Variants in NAA15 observed in about 807,000 individuals in gnomAD.
NAA15 encodes N-alpha-acetyltransferase 15, NatA auxiliary subunit, also known as N-terminal acetyltransferase.
In NAA15, 34 loss-of-function variants were observed where a neutral mutation model predicts 114.0. The observed-to-expected ratio is 0.30, with a 90% CI of 0.23 to 0.40. The LOEUF is 0.40. Among genes scored for constraint, NAA15 ranks in the 10% least tolerant of loss-of-function variants. NAA15 has a pLI of 1.00. For synonymous variants in NAA15, 340 were observed against 338.0 expected (o/e 1.01, Z -0.06); for missense variants, 658 against 1,004.5 (o/e 0.66, Z 4.66).
At chr4:139,307,029 T>C (rs1385701734) in intron 1 of NAA15, among the ~76,000 whole-genome samples, 1 of 152,194 alleles carries the variant, frequency 6.6e-6, no homozygotes, top group East Asian at 1.9e-4. Context: ...TTTAAATTGT[T>C]AGTTGTAAGT....
chr4:139,342,479 G>GTTTTTTTTTTTTTTTTTT (rs11402847), intron 4 of NAA15, among the ~76,000 whole-genome samples: 1 of 125,552 alleles, frequency 8.0e-6, no homozygotes, highest in African/African-American at 3.0e-5. Context: ...ATTAATGTGT[G>GTTTTTTTTTTTTTTTTTT]TTTTTTTTTT....
At chr4:139,306,425 G>A (rs1457812513) in intron 1 of NAA15, among the ~76,000 whole-genome samples, 1 of 151,854 alleles carries the variant, frequency 6.6e-6, no homozygotes, top group Admixed American at 6.6e-5. Context: ...AGTAGAGATG[G>A]TGTTTCACCA....
At chr4:139,381,589 T>G (rs943020298) in intron 17 of NAA15, among the ~76,000 whole-genome samples, 5 of 152,174 alleles carry the variant, frequency 3.3e-5, no homozygotes, top group Non-Finnish European at 7.4e-5. Context: ...TTAAGCTTTG[T>G]TTAATTTTCT....
intron 1 of NAA15, among the ~76,000 whole-genome samples, chr4:139,324,987 A>G (rs1328035965): frequency 6.6e-6 from 1 of 152,232 alleles, no homozygotes; most frequent in Non-Finnish European, 1.5e-5. Context: ...ATATAATTTC[A>G]ATAAGGACAT....
intron 3 of NAA15, among the ~76,000 whole-genome samples, chr4:139,339,270 C>T (rs1747302613): frequency 1.3e-5 from 2 of 151,768 alleles, no homozygotes; most frequent in African/African-American, 2.4e-5. Flanking sequence ...GCTGAGGCAG[C>T]GATCACTTGA....
chr4:139,359,623 A>G, intron 11 of NAA15, 120 bp from the exon 12 acceptor site: 1 of 863,616 alleles, frequency 1.2e-6, no homozygotes, highest in African/African-American at 1.8e-5. Context: ...TTAGCATCTA[A>G]GAGTCACAAG....
At position 139,388,229 on chromosome 4, in the gene NAA15, C is replaced by T; in HGVS notation, c.*145C>T. 2 of 612,818 alleles carry T rather than the reference C, an allele frequency of 3.3e-6. No homozygotes were observed. Among genetic ancestry groups the T allele is most frequent in the South Asian group, 2.4e-5 (1 of 41,870 alleles). 38.0% of individuals were successfully genotyped at this position (612,818 alleles called of 1,614,324 possible). ...TCAAATAGTGTTTTACGTTTTTTAT[C>T]CTGCTGAAAAAGTATATATAAAATA... On this transcript the variant is annotated 3_prime_UTR_variant, in exon 20 of 20. Transcript: ENST00000296543.
intron 14 of NAA15, among the ~76,000 whole-genome samples, chr4:139,367,091 G>C (rs890627810): frequency 9.9e-5 from 15 of 152,032 alleles, no homozygotes; most frequent in African/African-American, 3.6e-4. Context: ...TTCAATTATA[G>C]TTCTTTTAAT....
intron 1 of NAA15, among the ~76,000 whole-genome samples, chr4:139,322,675 G>A (rs919438977): frequency 4.6e-5 from 7 of 152,124 alleles, no homozygotes; most frequent in African/African-American, 1.7e-4. Context: ...AGCCTACTCT[G>A]TGTGAGTGTG....
At chr4:139,339,680 G>A (rs924268084) in intron 3 of NAA15, among the ~76,000 whole-genome samples, 3 of 152,118 alleles carry the variant, frequency 2.0e-5, no homozygotes, top group Non-Finnish European at 4.4e-5. Flanking sequence ...GAACCTGGGA[G>A]GCAGAGGTTG....
At chr4:139,348,452 C>CAAA (rs35328479) in intron 6 of NAA15, among the ~76,000 whole-genome samples, 13 of 87,988 alleles carry the variant, frequency 1.5e-4, no homozygotes, top group African/African-American at 5.0e-4. Context: ...GACTGTATCA[C>CAAA]AAAAAAAAAA....
At chr4:139,374,678 C>G (rs189460796) in intron 15 of NAA15, among the ~76,000 whole-genome samples, 1 of 152,006 alleles carries the variant, frequency 6.6e-6, no homozygotes, top group African/African-American at 2.4e-5. Flanking sequence ...TTGTTCTGCA[C>G]GATGTATGAG....
At chr4:139,338,442 T>A (rs976368729) in intron 3 of NAA15, among the ~76,000 whole-genome samples, 1 of 152,174 alleles carries the variant, frequency 6.6e-6, no homozygotes, top group South Asian at 2.1e-4. Flanking sequence ...TGGGGTTTTT[T>A]TTTGTTTGTT....
At chr4:139,377,841 C>G (rs1396998643) in intron 16 of NAA15, among the ~76,000 whole-genome samples, 2 of 152,026 alleles carry the variant, frequency 1.3e-5, no homozygotes, top group Admixed American at 1.3e-4. Flanking sequence ...AATACAACTC[C>G]CACTTTTAAA....
intron 1 of NAA15, among the ~76,000 whole-genome samples, chr4:139,312,197 G>C (rs768964358): frequency 5.9e-5 from 9 of 151,928 alleles, no homozygotes; most frequent in Admixed American, 1.3e-4. Flanking sequence ...GATTCTTAGT[G>C]AGAAATAGTT....
At chr4:139,348,189 C>G (rs1447585345) in intron 6 of NAA15, among the ~76,000 whole-genome samples, 1 of 152,080 alleles carries the variant, frequency 6.6e-6, no homozygotes, top group African/African-American at 2.4e-5. Context: ...CACGGTGACT[C>G]ACGACTATAA....
chr4:139,344,208 A>T lies in NAA15; in HGVS notation c.560A>T (p.Tyr187Phe), dbSNP rs755388934. The change falls in exon 6 of 20, where the codon TAT becomes TTT. Residue 187 changes from tyrosine (Y) to phenylalanine (F), a missense_variant. This residue lies in a region of NAA15 where 281 missense variants were observed against 389.1 expected (regional missense o/e 0.72). Transcript: ENST00000296543. ...CAGACATCCCCTGACAAGGTGGATT[A>T]TGAATATAGTGAACTACTCTTATAT... ...TQQTSPDKVD[Y>F]EYSELLLYQN... is the part of the protein sequence containing the mutation. 6.2e-7 allele frequency: 1 copy of T among 1,611,012 alleles called. No individual in the cohort carries two copies. Among genetic ancestry groups the T allele is most frequent in the South Asian group, 1.1e-5 (1 of 90,290 alleles).
intron 10 of NAA15, among the ~76,000 whole-genome samples, chr4:139,354,660 G>A (rs1019600418): frequency 3.3e-5 from 5 of 152,120 alleles, no homozygotes; most frequent in Non-Finnish European, 7.4e-5. Context: ...AAAACTAAAT[G>A]CAACAGTATA....
At chr4:139,302,148 G>A (rs967138961) in intron 1 of NAA15, 1 of 312,772 alleles carries the variant, frequency 3.2e-6, no homozygotes, top group Admixed American at 4.9e-5. Context: ...CCTTTGGCGG[G>A]CAAGTGGGCG....
Sources: allele counts gnomAD v4.1 joint callset (sites outside exome capture counted in the v4.1 genomes callset), GRCh38; gene constraint gnomAD v4.1.1; regional missense constraint gnomAD v4.1.1; transcripts MANE v1.5; gene names NCBI Gene and HGNC (gene_info 2026-07-23, HGNC 2026-07-21).